The following LRGUK variants were observed in gnomAD, a reference collection of about 807,000 sequenced individuals.
LRGUK encodes leucine rich repeats and guanylate kinase domain containing.
A neutral mutation model predicts 76.0 loss-of-function variants in LRGUK; 65 were observed. The observed-to-expected ratio is 0.85, with a 90% CI of 0.70 to 1.05. The LOEUF is 1.05. LRGUK is among the 50% of genes least tolerant of loss of function. The pLI is 0.00. For missense variants in LRGUK, 758 were observed against 732.8 expected (o/e 1.03, Z -0.40); for synonymous variants, 268 against 265.6 (o/e 1.01, Z -0.09).
chr7:134,191,182 A>G (rs1800227305), intron 11 of LRGUK, among the ~76,000 whole-genome samples: 1 of 152,210 alleles, frequency 6.6e-6, no homozygotes, highest in Admixed American at 6.5e-5. Flanking sequence ...GGAAATATAA[A>G]GAGATGAATA....
At chr7:134,214,729 C>T (rs1401758683), downstream of LRGUK, among the ~76,000 whole-genome samples, 1 of 151,200 alleles carries the variant, frequency 6.6e-6, no homozygotes, top group African/African-American at 2.4e-5. Context: ...AAATTTTCTA[C>T]AATGACCTAT....
At chr7:134,267,073 A>T (rs1451334667), downstream of LRGUK, among the ~76,000 whole-genome samples, 6 of 152,200 alleles carry the variant, frequency 3.9e-5, no homozygotes, top group African/African-American at 7.2e-5. Flanking sequence ...AGACATTCTC[A>T]GATGAAAGAA....
intron 10 of LRGUK, among the ~76,000 whole-genome samples, chr7:134,180,629 A>G (rs1196103790): frequency 6.6e-6 from 1 of 152,202 alleles, no homozygotes; most frequent in Non-Finnish European, 1.5e-5. Context: ...CCACAGTGGT[A>G]TTAGAATACC....
rs572385386 is a variant in LRGUK, at chr7:134,227,640, C to G, written c.1983+5722C>G. 1.3e-3 allele frequency among the ~76,000 whole-genome samples: 196 copies of G among 152,198 alleles called. 1 individual carries two copies. The highest frequency in any genetic ancestry group is 2.3e-3 in the Non-Finnish European group (156 of 67,996). Reference sequence around the variant, plus strand: ...AAGCATTGATGTTATCAAAGCAAGACTTTAATGTGACTGCATTTATAATGG... The same window carrying G: ...AAGCATTGATGTTATCAAAGCAAGAGTTTAATGTGACTGCATTTATAATGG... On this transcript the variant is annotated intron_variant, in intron 16 of 19. Coordinates refer to the LRGUK transcript ENST00000285928.
At chr7:134,127,801 C>A in intron 1 of LRGUK, 137 bp downstream of exon 1, 4 of 934,882 alleles carry the variant, frequency 4.3e-6, no homozygotes, top group Non-Finnish European at 1.6e-6. Context: ...AGGAACGCCT[C>A]TTCCCCCTCT....
At chr7:134,138,786 A>T (rs1159164980) in intron 2 of LRGUK, among the ~76,000 whole-genome samples, 1 of 152,172 alleles carries the variant, frequency 6.6e-6, no homozygotes, top group Non-Finnish European at 1.5e-5. Flanking sequence ...TAGAATCAAG[A>T]TATCCTGGAA....
At chr7:134,244,658 C>A (rs1288971813) in intron 16 of LRGUK, among the ~76,000 whole-genome samples, 1 of 151,046 alleles carries the variant, frequency 6.6e-6, no homozygotes, top group African/African-American at 2.4e-5. Flanking sequence ...ATTCCTCAAG[C>A]ATCTAGAACT....
chr7:134,247,605 T>C lies in LRGUK; in HGVS notation c.2033T>C (p.Met678Thr), dbSNP rs34904752. 8.7e-3 allele frequency: 14,070 copies of C among 1,613,840 alleles called. 66 individuals carry two copies. The highest frequency in any genetic ancestry group is 0.013 in the Middle Eastern group (76 of 6,060). ...CACGAGGCAGCCCGGCAAGCTCTAA[T>C]GGGAAGGATACGCCCTGATCACACA... Residue 678 changes from methionine to threonine, a missense_variant, in exon 17 of 20, where the codon ATG becomes ACG. Met to Thr is a moderately conservative substitution (Grantham distance 81). Coordinates refer to the LRGUK transcript ENST00000285928.
At chr7:134,266,960 C>T (rs1802867606), downstream of LRGUK, among the ~76,000 whole-genome samples, 1 of 152,050 alleles carries the variant, frequency 6.6e-6, no homozygotes, top group Non-Finnish European at 1.5e-5. Context: ...TCATCAACAA[C>T]CATGGAAGTG....
intron 1 of LRGUK, among the ~76,000 whole-genome samples, chr7:134,131,009 G>A (rs573891734): frequency 4.6e-5 from 7 of 152,134 alleles, no homozygotes; most frequent in South Asian, 2.1e-4. Flanking sequence ...ACATGTTTTC[G>A]TCTGCTAACT....
rs140774881 is a variant in LRGUK at position 134,252,676 on chromosome 7, A to G, written c.2198+3600A>G. Among the ~76,000 whole-genome samples, 877 of 152,294 alleles carry G rather than the reference A, an allele frequency of 5.8e-3. 11 individuals are homozygous for G. The highest frequency in any genetic ancestry group is 0.02 in the African/African-American group (813 of 41,562). On this transcript the variant is annotated intron_variant, in intron 18 of 19. Coordinates refer to the LRGUK transcript ENST00000285928. ...GGCAGGTGCCTATGCCCAGCAGCAC[A>G]TGGGCTTTCCAGGAGAGCTGGGTTT...
chr7:134,263,744 G>A lies in LRGUK; in HGVS notation c.2348-101G>A, dbSNP rs2598278. The A allele has an allele frequency of 2.6e-3, 2,984 of 1,144,568 alleles. 58 individuals are homozygous for A. In the African/African-American group the frequency reaches 0.042, roughly 16 times the overall value. 70.9% of individuals were successfully genotyped at this position (1,144,568 alleles called of 1,614,324 possible). The stretch of plus-strand genomic sequence containing the variant: ...TTATTTCTTATAGTTTGTCATGAAC[G>A]AATTCTAGAAATTGTTCTGGTGCTT... On this transcript the variant is annotated intron_variant, in intron 19 of 19. Coordinates refer to the LRGUK transcript ENST00000285928.
intron 6 of LRGUK, among the ~76,000 whole-genome samples, chr7:134,159,896 G>A (rs1328195188): frequency 6.6e-6 from 1 of 152,212 alleles, no homozygotes; most frequent in Non-Finnish European, 1.5e-5. Context: ...GAACCTGAGG[G>A]TTTGATAATT....
At chr7:134,137,993 T>C (rs1300996196) in intron 2 of LRGUK, among the ~76,000 whole-genome samples, 1 of 152,270 alleles carries the variant, frequency 6.6e-6, no homozygotes, top group Non-Finnish European at 1.5e-5. Context: ...TCACCTTTGC[T>C]AGTTCCATGG....
intron 16 of LRGUK, among the ~76,000 whole-genome samples, chr7:134,245,854 T>C (rs912468128): frequency 1.3e-5 from 2 of 152,188 alleles, no homozygotes; most frequent in African/African-American, 4.8e-5. Context: ...AGTTATTTTA[T>C]AGTAAAGTCA....
At chr7:134,265,800 G>T (rs117249503), downstream of LRGUK, among the ~76,000 whole-genome samples, 1 of 152,244 alleles carries the variant, frequency 6.6e-6, no homozygotes, top group East Asian at 1.9e-4. Flanking sequence ...GGGGGCCCTG[G>T]ACCTATTCCT....
At chr7:134,225,939 C>A (rs1391794967) in intron 16 of LRGUK, among the ~76,000 whole-genome samples, 1 of 152,160 alleles carries the variant, frequency 6.6e-6, no homozygotes, top group Non-Finnish European at 1.5e-5. Flanking sequence ...TAGGTTATTT[C>A]ACATACCCCT....
At chr7:134,155,396 T>G (rs1432048001) in intron 5 of LRGUK, among the ~76,000 whole-genome samples, 1 of 152,216 alleles carries the variant, frequency 6.6e-6, no homozygotes, top group Non-Finnish European at 1.5e-5. Context: ...AGGGCTATTC[T>G]GGCAGGAAGC....
intron 5 of LRGUK, among the ~76,000 whole-genome samples, chr7:134,153,318 T>C (rs1450910300): frequency 6.6e-6 from 1 of 152,162 alleles, no homozygotes; most frequent in Non-Finnish European, 1.5e-5. Flanking sequence ...TTTTTTATTT[T>C]GTTATGCTAT....
Sources: gnomAD v4.1 joint callset for allele counts (sites outside exome capture counted in the v4.1 genomes callset) on GRCh38, gnomAD v4.1.1 for gene constraint, MANE v1.5 for transcripts, NCBI Gene and HGNC (gene_info 2026-07-23, HGNC 2026-07-21) for gene names.